FOXN3: variants seen among roughly 807,000 people sequenced by gnomAD.
FOXN3 encodes the protein forkhead box protein N3.
In FOXN3, 7 loss-of-function variants were observed where a neutral mutation model predicts 38.4. That is an observed-to-expected ratio of 0.18 (90% CI 0.10 to 0.34). The LOEUF (loss-of-function observed/expected upper bound fraction) is 0.34. Ranked by LOEUF, FOXN3 falls within the 10% of genes least tolerant of loss-of-function variation. FOXN3 has a pLI of 1.00. For synonymous variants in FOXN3, 230 were observed against 242.2 expected, an observed-to-expected ratio of 0.95 and a Z score of 0.47; for missense variants, 456 against 613.4, an observed-to-expected ratio of 0.74 and a Z score of 2.71.
At chr14:89,220,593 G>A (rs1475283332) in intron 4 of FOXN3, among the ~76,000 whole-genome samples, 3 of 152,260 alleles carry the variant, frequency 2.0e-5, no homozygotes, top group African/African-American at 7.2e-5. Context: ...CCTGGGTCAC[G>A]AATGTGTATT....
At chr14:89,453,093 T>G (rs558350013) in intron 1 of FOXN3, among the ~76,000 whole-genome samples, 14 of 151,864 alleles carry the variant, frequency 9.2e-5, no homozygotes, top group Admixed American at 5.9e-4. Context: ...CAGATACTCA[T>G]GAGGCTGAGG....
chr14:89,285,863 ATTTTTTT>A (rs34767285), intron 3 of FOXN3, among the ~76,000 whole-genome samples: 75,569 of 145,946 alleles, frequency 0.52, 19,767 homozygotes, highest in East Asian at 0.67. Flanking sequence ...TTTACCAAAA[ATTTTTTT>A]TTTTTTTTTT....
chr14:89,591,672 C>G (rs1895954702), intron 1 of FOXN3, among the ~76,000 whole-genome samples: 1 of 152,202 alleles, frequency 6.6e-6, no homozygotes, highest in South Asian at 2.1e-4. Context: ...CACCTGTAAT[C>G]CAAGAACTTT....
intron 2 of FOXN3, among the ~76,000 whole-genome samples, chr14:89,397,937 T>C (rs996852655): frequency 6.6e-6 from 1 of 152,220 alleles, no homozygotes; most frequent in Non-Finnish European, 1.5e-5. Context: ...TTCCCCCTTA[T>C]GCGTCCCTAC....
intron 1 of FOXN3, among the ~76,000 whole-genome samples, chr14:89,491,755 C>T (rs975644273): frequency 4.6e-5 from 7 of 152,192 alleles, no homozygotes; most frequent in African/African-American, 1.7e-4. Flanking sequence ...TCATGCTTCT[C>T]TTAGTCATTC....
chr14:89,559,320 A>G (rs551195757), intron 1 of FOXN3, among the ~76,000 whole-genome samples: 1 of 152,268 alleles, frequency 6.6e-6, no homozygotes, highest in South Asian at 2.1e-4. Context: ...GTTGTGCTGC[A>G]GTGAGCTTTG....
At chr14:89,476,607 C>T (rs1893214786) in intron 1 of FOXN3, among the ~76,000 whole-genome samples, 1 of 152,222 alleles carries the variant, frequency 6.6e-6, no homozygotes, top group Admixed American at 6.5e-5. Flanking sequence ...ACATAAACCA[C>T]ATAAACATAT....
In FOXN3 at chr14:89,423,715, A is replaced by T. The variant is rs558352393; in HGVS notation, c.-14-11225T>A. On this transcript the variant is annotated intron_variant, in intron 1 of 6. Coordinates refer to the FOXN3 transcript ENST00000345097. The stretch of plus-strand genomic sequence containing the variant: ...TAAAGCAATTGTGATATCTCATTTC[A>T]TCTATCAGAATGGCAGAGACTTAAA... Among the ~76,000 whole-genome samples, 7 of 152,366 alleles carry T rather than the reference A, an allele frequency of 4.6e-5. No individual in the cohort carries two copies. The East Asian group carries it at 1.3e-3, about 29-fold the overall frequency.
chr14:89,525,271 G>A (rs1894411257), intron 1 of FOXN3, among the ~76,000 whole-genome samples: 1 of 144,902 alleles, frequency 6.9e-6, no homozygotes, highest in South Asian at 2.3e-4. Context: ...AAAGAAGCTG[G>A]CCAAAACCCA....
At chr14:89,270,461 A>T (rs8016952) in intron 4 of FOXN3, among the ~76,000 whole-genome samples, 150,787 of 152,360 alleles carry the variant, frequency 0.99, 74,626 homozygotes, top group Middle Eastern at 1. Context: ...TCTCTGTCCA[A>T]ACATTATCTT....
intron 1 of FOXN3, among the ~76,000 whole-genome samples, chr14:89,480,715 T>C (rs1272124634): frequency 1.3e-5 from 2 of 152,260 alleles, no homozygotes; most frequent in Non-Finnish European, 1.5e-5. Flanking sequence ...CAACATTATT[T>C]GGTTCCCAGA....
intron 1 of FOXN3, among the ~76,000 whole-genome samples, chr14:89,468,229 G>A (rs368113724): frequency 7.2e-5 from 11 of 151,886 alleles, no homozygotes; most frequent in Admixed American, 3.3e-4. Flanking sequence ...TGGGGCGGGC[G>A]GATCACCTGA....
At chr14:89,526,803 A>C (rs967270548) in intron 1 of FOXN3, among the ~76,000 whole-genome samples, 3 of 152,216 alleles carry the variant, frequency 2.0e-5, no homozygotes, top group Non-Finnish European at 4.4e-5. Flanking sequence ...AACTTTCAAC[A>C]AGAAAAAAAT....
intron 1 of FOXN3, among the ~76,000 whole-genome samples, chr14:89,508,188 A>G (rs1469309385): frequency 1.3e-5 from 2 of 152,150 alleles, no homozygotes; most frequent in Non-Finnish European, 2.9e-5. Flanking sequence ...CGCATCTGGA[A>G]CCACTGGGTG....
At chr14:89,607,337 T>C (rs550796005) in intron 1 of FOXN3, among the ~76,000 whole-genome samples, 1 of 152,042 alleles carries the variant, frequency 6.6e-6, no homozygotes, top group Non-Finnish European at 1.5e-5. Context: ...GGCAGGCGGA[T>C]CACTTGAGGT....
intron 1 of FOXN3, among the ~76,000 whole-genome samples, chr14:89,601,752 TG>T (rs1397355345): frequency 6.6e-6 from 1 of 151,908 alleles, no homozygotes; most frequent in Non-Finnish European, 1.5e-5. Flanking sequence ...CAAGGTTTTT[TG>T]TTTTTGTTTT....
chr14:89,618,364 A>G (rs1162312482), intron 1 of FOXN3, among the ~76,000 whole-genome samples: 1 of 152,236 alleles, frequency 6.6e-6, no homozygotes, highest in African/African-American at 2.4e-5. Context: ...TAGTCTCTTC[A>G]GCCTTCCCAG....
intron 4 of FOXN3, among the ~76,000 whole-genome samples, chr14:89,201,434 C>T (rs2090621861): frequency 1.3e-5 from 2 of 152,202 alleles, no homozygotes; most frequent in African/African-American, 4.8e-5. Context: ...AGCTGAAGCT[C>T]ACCGCCCAGG....
At chr14:89,353,438 T>C (rs1327811975) in intron 2 of FOXN3, 1 of 152,000 alleles carries the variant, frequency 6.6e-6, no homozygotes, top group Non-Finnish European at 1.5e-5. Flanking sequence ...ATGGGACGAG[T>C]GAAGATAAAA....
Sources: gnomAD v4.1 joint callset for allele counts (sites outside exome capture counted in the v4.1 genomes callset) on GRCh38, gnomAD v4.1.1 for gene constraint, MANE v1.5 for transcripts, NCBI Gene and HGNC (gene_info 2026-07-23, HGNC 2026-07-21) for gene names.